The following NTNG1 variants were observed in gnomAD, a reference collection of about 807,000 sequenced individuals.
NTNG1 encodes the protein netrin-G1.
Under a neutral mutation model 54.0 loss-of-function variants are expected in NTNG1, and 16 were observed. The ratio of observed to expected loss-of-function variants is 0.30; its 90% CI spans 0.20 to 0.45. The LOEUF is 0.45. Ranked by LOEUF, NTNG1 falls within the 20% of genes least tolerant of loss-of-function variation. NTNG1 has a pLI of 1.00. For missense variants in NTNG1, 530 were observed against 678.7 expected (o/e 0.78, Z 2.43); for synonymous variants, 255 against 263.1 (o/e 0.97, Z 0.30).
chr1:107,328,985 T>G (rs1668117264), intron 3 of NTNG1: 1 of 152,170 alleles, frequency 6.6e-6, no homozygotes, highest in Non-Finnish European at 1.5e-5. Context: ...TATTTACCCT[T>G]TAACAAAATA....
At chr1:107,239,204 A>G (rs1661639780) in intron 2 of NTNG1, among the ~76,000 whole-genome samples, 1 of 152,226 alleles carries the variant, frequency 6.6e-6, no homozygotes, top group Non-Finnish European at 1.5e-5. Context: ...AGCAAGCAAC[A>G]TAGGCTGCCA....
intron 2 of NTNG1, among the ~76,000 whole-genome samples, chr1:107,278,320 T>C (rs1020231184): frequency 6.6e-6 from 1 of 152,218 alleles, no homozygotes; most frequent in African/African-American, 2.4e-5. Flanking sequence ...CCTATATAAG[T>C]ATACTCTACA....
At chr1:107,205,165 T>C (rs1360013599) in intron 2 of NTNG1, among the ~76,000 whole-genome samples, 1 of 152,186 alleles carries the variant, frequency 6.6e-6, no homozygotes, top group Non-Finnish European at 1.5e-5. Flanking sequence ...TCAAGCTACT[T>C]CGAAGTTTCA....
At chr1:107,245,926 T>C (rs184368225) in intron 2 of NTNG1, among the ~76,000 whole-genome samples, 2 of 152,376 alleles carry the variant, frequency 1.3e-5, no homozygotes, top group African/African-American at 2.4e-5. Context: ...ATAAATGATA[T>C]GTATCCTTGT....
chr1:107,252,497 T>G (rs1662673263), intron 2 of NTNG1, among the ~76,000 whole-genome samples: 1 of 152,196 alleles, frequency 6.6e-6, no homozygotes, highest in Admixed American at 6.5e-5. Context: ...GGCTGAAACT[T>G]CTGTCTGTTC....
chr1:107,224,926 C>G (rs1660577862), intron 2 of NTNG1, among the ~76,000 whole-genome samples: 1 of 152,092 alleles, frequency 6.6e-6, no homozygotes, highest in African/African-American at 2.4e-5. Context: ...CTCAGTTTCT[C>G]AACTGTTGTA....
intron 2 of NTNG1, among the ~76,000 whole-genome samples, chr1:107,217,980 T>A (rs1660084237): frequency 6.6e-6 from 1 of 152,182 alleles, no homozygotes; most frequent in African/African-American, 2.4e-5. Context: ...TAGGGTATAG[T>A]TTAATTCAAT....
intron 3 of NTNG1, among the ~76,000 whole-genome samples, chr1:107,383,497 T>C (rs1457184397): frequency 6.6e-6 from 1 of 152,134 alleles, no homozygotes; most frequent in African/African-American, 2.4e-5. Context: ...AAGAAAGAGA[T>C]CTAATATAGA....
chr1:107,346,410 C>A (rs1487723107), intron 3 of NTNG1, among the ~76,000 whole-genome samples: 1 of 152,128 alleles, frequency 6.6e-6, no homozygotes, highest in Non-Finnish European at 1.5e-5. Context: ...TGGGAACTTA[C>A]CAGATAACTG....
chr1:107,396,675 G>A (rs182375289), intron 4 of NTNG1, among the ~76,000 whole-genome samples: 114 of 152,210 alleles, frequency 7.5e-4, no homozygotes, highest in African/African-American at 2.6e-3. Flanking sequence ...CCCTGTGGCT[G>A]GCTACCTAAG....
chr1:107,439,870 A>AT (rs112492051), intron 7 of NTNG1, among the ~76,000 whole-genome samples: 7 of 150,684 alleles, frequency 4.6e-5, no homozygotes, highest in African/African-American at 7.3e-5. Context: ...AAGGTTGATA[A>AT]TTTTTTTTTT....
At chr1:107,246,836 T>G (rs1357106401) in intron 2 of NTNG1, among the ~76,000 whole-genome samples, 2 of 152,082 alleles carry the variant, frequency 1.3e-5, no homozygotes, top group African/African-American at 4.8e-5. Flanking sequence ...ATATAGTAAA[T>G]CTAATTTTTC....
At position 107,245,341 on chromosome 1, in the gene NTNG1, G is replaced by T. The variant is rs561926705; in HGVS notation, c.247-78941G>T. On this transcript the variant is annotated intron_variant, in intron 2 of 7. Transcript: ENST00000370068. ...TGCATAATTTACCACTGCAGTTTACGTAAGTGTAAGTATTTTTCTCATTCT... is the reference window on the plus strand; with the variant it reads ...TGCATAATTTACCACTGCAGTTTACTTAAGTGTAAGTATTTTTCTCATTCT... Among the ~76,000 whole-genome samples, 4 of 152,274 alleles carry T rather than the reference G, an allele frequency of 2.6e-5. No homozygotes were observed. In the South Asian group the frequency reaches 8.3e-4, roughly 32 times the overall value.
At chr1:107,280,870 T>C (rs1664803851) in intron 2 of NTNG1, among the ~76,000 whole-genome samples, 1 of 150,224 alleles carries the variant, frequency 6.7e-6, no homozygotes, top group Non-Finnish European at 1.5e-5. Context: ...TATTTTATTT[T>C]ATTTTATTTT....
At chr1:107,445,101 G>T (rs887494121) in intron 7 of NTNG1, among the ~76,000 whole-genome samples, 9 of 152,128 alleles carry the variant, frequency 5.9e-5, no homozygotes, top group African/African-American at 2.2e-4. Flanking sequence ...TCAGCCCCCA[G>T]CGGAACAGAA....
chr1:107,436,483 A>G (rs1675603802), intron 6 of NTNG1, among the ~76,000 whole-genome samples, 182 bp from the exon 7 acceptor site: 1 of 152,192 alleles, frequency 6.6e-6, no homozygotes, highest in African/African-American at 2.4e-5. Context: ...CATAAAAATG[A>G]TATCATGGAA....
At chr1:107,379,658 G>T (rs1557948885) in intron 3 of NTNG1, among the ~76,000 whole-genome samples, 1 of 152,122 alleles carries the variant, frequency 6.6e-6, no homozygotes, top group Non-Finnish European at 1.5e-5. Flanking sequence ...AATGAAGGTG[G>T]TAATAATGAT....
chr1:107,460,840 C>A (rs1261089783), intron 7 of NTNG1, among the ~76,000 whole-genome samples: 1 of 152,152 alleles, frequency 6.6e-6, no homozygotes, highest in Non-Finnish European at 1.5e-5. Flanking sequence ...AGATATTTAA[C>A]TCTAGAGGGT....
intron 2 of NTNG1, among the ~76,000 whole-genome samples, chr1:107,229,086 G>C (rs754336145): frequency 1.3e-5 from 2 of 152,008 alleles, no homozygotes; most frequent in African/African-American, 2.4e-5. Flanking sequence ...AGCTGCATGC[G>C]TAACCTAGCA....
Sources: gnomAD v4.1 joint callset for allele counts (sites outside exome capture counted in the v4.1 genomes callset) on GRCh38, gnomAD v4.1.1 for gene constraint, MANE v1.5 for transcripts, NCBI Gene and HGNC (gene_info 2026-07-23, HGNC 2026-07-21) for gene names.